Variants in GAREM1 observed in about 807,000 individuals in gnomAD.
The protein encoded by GAREM1 is GRB2 associated regulator of MAPK1 subtype 1, also known as GRB2-associated and regulator of MAPK protein 1.
In GAREM1, 26 loss-of-function variants were observed where a neutral mutation model predicts 71.3. The observed-to-expected ratio is 0.36, with a 90% CI of 0.27 to 0.51. The LOEUF (loss-of-function observed/expected upper bound fraction) is 0.51, where lower values mean the gene tolerates loss of function less well. Among genes scored for constraint, GAREM1 ranks in the 20% least tolerant of loss-of-function variants. The pLI, the probability that GAREM1 is intolerant of heterozygous loss-of-function variation, is 0.95. For synonymous variants in GAREM1, 440 were observed against 433.2 expected (o/e 1.02, Z -0.20); for missense variants, 1,026 against 1,103.1 (o/e 0.93, Z 0.99).
At chr18:32,444,588 T>C (rs1336382445) in intron 1 of GAREM1, among the ~76,000 whole-genome samples, 10 of 152,168 alleles carry the variant, frequency 6.6e-5, no homozygotes, top group African/African-American at 2.4e-4. Flanking sequence ...ATAGTCTTCA[T>C]ATGAGAAATA....
chr18:32,274,082 A>C (rs1030973819), intron 4 of GAREM1, among the ~76,000 whole-genome samples: 11 of 152,126 alleles, frequency 7.2e-5, no homozygotes, highest in Non-Finnish European at 1.5e-4. Context: ...CTCCACAGAC[A>C]CATCTCCAAG....
intron 4 of GAREM1, 139 bp downstream of exon 4, chr18:32,286,891 CA>C (rs2047023581): frequency 1.6e-6 from 1 of 642,756 alleles, no homozygotes; most frequent in African/African-American, 1.8e-5. Flanking sequence ...ATCAAGCTAG[CA>C]TGTGTATCTC....
At chr18:32,282,470 G>C (rs1050945488) in intron 4 of GAREM1, among the ~76,000 whole-genome samples, 1 of 152,178 alleles carries the variant, frequency 6.6e-6, no homozygotes, top group African/African-American at 2.4e-5. Flanking sequence ...TGGGTGCTGG[G>C]GTCCCCAGAT....
chr18:32,373,691 T>C (rs1036436085), intron 2 of GAREM1, among the ~76,000 whole-genome samples: 1 of 152,212 alleles, frequency 6.6e-6, no homozygotes, highest in African/African-American at 2.4e-5. Context: ...AGGATATCTC[T>C]AAGGTTGGTC....
intron 2 of GAREM1, among the ~76,000 whole-genome samples, chr18:32,315,993 C>T (rs2047374718): frequency 6.6e-6 from 1 of 152,116 alleles, no homozygotes; most frequent in Admixed American, 6.5e-5. Flanking sequence ...TGATCTTGTA[C>T]TATCAGTAGC....
chr18:32,457,333 T>C lies in GAREM1; in HGVS notation c.121+12975A>G, dbSNP rs554068629. Among the ~76,000 whole-genome samples the C allele has an allele frequency of 5.3e-5, 8 of 151,526 alleles. No individual in the cohort carries two copies. The South Asian group carries it at 1.7e-3, about 32-fold the overall frequency. ...TCAGAATACCTAAGTTTTTAAATAGTTTTAGGTATTCAAATTCTTCATAAT... is the reference window on the plus strand; with the variant it reads ...TCAGAATACCTAAGTTTTTAAATAGCTTTAGGTATTCAAATTCTTCATAAT... On this transcript the variant is annotated intron_variant, in intron 1 of 5. Transcript: ENST00000269209.
chr18:32,409,116 T>C (rs2048393315), intron 1 of GAREM1, among the ~76,000 whole-genome samples: 2 of 152,208 alleles, frequency 1.3e-5, no homozygotes, highest in African/African-American at 2.4e-5. Context: ...CTTTTTCTGC[T>C]GTTTGCAGTC....
intron 3 of GAREM1, among the ~76,000 whole-genome samples, chr18:32,307,919 A>G (rs1470491679): frequency 6.6e-6 from 1 of 152,098 alleles, no homozygotes; most frequent in African/African-American, 2.4e-5. Flanking sequence ...GACTATCCTT[A>G]GTTTATTTAT....
At chr18:32,446,249 T>TGCGC (rs1555647732) in intron 1 of GAREM1, among the ~76,000 whole-genome samples, 53 of 151,974 alleles carry the variant, frequency 3.5e-4, no homozygotes, top group South Asian at 1.7e-3. Context: ...TGTGTGTGTG[T>TGCGC]GTGTATAACA....
intron 2 of GAREM1, among the ~76,000 whole-genome samples, chr18:32,336,602 A>G (rs1357174880): frequency 7.2e-5 from 11 of 152,168 alleles, no homozygotes; most frequent in Admixed American, 7.2e-4. Flanking sequence ...AAATACAGGG[A>G]TTTATACAAT....
At chr18:32,457,567 G>T (rs576223806) in intron 1 of GAREM1, among the ~76,000 whole-genome samples, 2 of 152,016 alleles carry the variant, frequency 1.3e-5, no homozygotes, top group Non-Finnish European at 2.9e-5. Context: ...TGGGGGAGGG[G>T]TGAGTAAAAT....
intron 3 of GAREM1, among the ~76,000 whole-genome samples, 157 bp downstream of exon 3, chr18:32,310,036 G>A (rs539831290): frequency 6.6e-6 from 1 of 152,334 alleles, no homozygotes; most frequent in Admixed American, 6.5e-5. Flanking sequence ...AGGGAGTCAG[G>A]TCAGCTACAA....
chr18:32,451,727 C>A (rs1441999870), intron 1 of GAREM1, among the ~76,000 whole-genome samples: 4 of 152,118 alleles, frequency 2.6e-5, no homozygotes, highest in Non-Finnish European at 4.4e-5. Context: ...ACCAGAATAA[C>A]CCTTGTTAAA....
rs1053454702 is a variant in GAREM1 at position 32,462,747 on chromosome 18, T to C, written c.121+7561A>G. ...CCATGAGTAGTTTCATAGTTTCTGG[T>C]CTTACATTTAAGTCTTTAATCCATT... On this transcript the variant is annotated intron_variant, in intron 1 of 5. Transcript: ENST00000269209. Among the ~76,000 whole-genome samples, 4 of 152,250 alleles carry C rather than the reference T, an allele frequency of 2.6e-5. No homozygotes were observed. In the South Asian group the frequency reaches 6.2e-4, roughly 24 times the overall value.
chr18:32,461,054 C>T (rs557214702), intron 1 of GAREM1, among the ~76,000 whole-genome samples: 2 of 152,192 alleles, frequency 1.3e-5, no homozygotes, highest in East Asian at 3.9e-4. Flanking sequence ...TTTCCTTCTG[C>T]TAATATTAAG....
In GAREM1 at chr18:32,378,355, C is replaced by A. The variant is rs963684632; in HGVS notation, c.262+14540G>T. Among the ~76,000 whole-genome samples, 3 of 151,904 alleles carry A rather than the reference C, an allele frequency of 2.0e-5. No individual in the cohort carries two copies. The East Asian group carries it at 5.8e-4, about 30-fold the overall frequency. ...TCTCCATTAAAAATACAAAAATTAA[C>A]CAAGCATGGTGGCAGGTGCCTGTAA... On this transcript the variant is annotated intron_variant, in intron 2 of 5. Coordinates refer to ENST00000269209, the MANE Select transcript of GAREM1 (RefSeq NM_001242409.2).
At chr18:32,319,085 G>A (rs1275455753) in intron 2 of GAREM1, among the ~76,000 whole-genome samples, 1 of 152,198 alleles carries the variant, frequency 6.6e-6, no homozygotes, top group Non-Finnish European at 1.5e-5. Flanking sequence ...TTACTAAATA[G>A]TGAATGAATG....
intron 1 of GAREM1, among the ~76,000 whole-genome samples, chr18:32,438,454 C>T (rs2055060): frequency 0.22 from 32,999 of 152,194 alleles, 4,236 homozygotes; most frequent in East Asian, 0.39. Context: ...GCTGAACCCA[C>T]TGTCAAACTG....
chr18:32,347,071 T>C (rs985107359), intron 2 of GAREM1, among the ~76,000 whole-genome samples: 2 of 152,300 alleles, frequency 1.3e-5, no homozygotes, highest in South Asian at 2.1e-4. Context: ...CTTTAATTTA[T>C]GGAAATATGC....
Sources: allele counts gnomAD v4.1 joint callset (sites outside exome capture counted in the v4.1 genomes callset), GRCh38; gene constraint gnomAD v4.1.1; transcripts MANE v1.5; gene names NCBI Gene and HGNC (gene_info 2026-07-23, HGNC 2026-07-21).